Variants in ELMOD1 observed in about 807,000 individuals in gnomAD.
ELMOD1 encodes ELMO domain-containing protein 1.
In ELMOD1, 21 loss-of-function variants were observed where a neutral mutation model predicts 46.7. The observed-to-expected ratio is 0.45, with a 90% CI of 0.32 to 0.65. The LOEUF (loss-of-function observed/expected upper bound fraction) is 0.65, where lower values mean the gene tolerates loss of function less well. Among genes scored for constraint, ELMOD1 ranks in the 30% least tolerant of loss-of-function variants. The pLI is 0.04. For synonymous variants in ELMOD1, 122 were observed against 138.2 expected, an observed-to-expected ratio of 0.88 and a Z score of 0.82; for missense variants, 348 against 407.8, an observed-to-expected ratio of 0.85 and a Z score of 1.26.
intron 1 of ELMOD1, among the ~76,000 whole-genome samples, chr11:107,595,114 T>C (rs934062907): frequency 6.6e-6 from 1 of 151,716 alleles, no homozygotes; most frequent in Non-Finnish European, 1.5e-5. Context: ...CAACTGATAA[T>C]ACAATGTCGT....
intron 1 of ELMOD1, among the ~76,000 whole-genome samples, chr11:107,597,479 T>G (rs1415643697): frequency 1.3e-5 from 2 of 152,200 alleles, no homozygotes; most frequent in Admixed American, 1.3e-4. Flanking sequence ...TATAACATAC[T>G]GTACTGAAAG....
chr11:107,597,223 T>G (rs1416133634), intron 1 of ELMOD1, among the ~76,000 whole-genome samples: 1 of 152,198 alleles, frequency 6.6e-6, no homozygotes, highest in Non-Finnish European at 1.5e-5. Flanking sequence ...TTGAAATCTC[T>G]TAGCCCAGAA....
At chr11:107,631,397 A>AACC (rs1866134739) in intron 4 of ELMOD1, among the ~76,000 whole-genome samples, 183 bp from the exon 5 acceptor site, 1 of 133,786 alleles carries the variant, frequency 7.5e-6, no homozygotes, top group African/African-American at 2.9e-5. Context: ...AAATTGCACT[A>AACC]CCCCCCCCCC....
chr11:107,631,533 G>T (rs1324100723), intron 4 of ELMOD1, 47 bp from the exon 5 acceptor site: 2 of 1,227,602 alleles, frequency 1.6e-6, no homozygotes, highest in Non-Finnish European at 2.3e-6. Context: ...TACTGATTAA[G>T]CCTCTGGTGT....
chr11:107,595,244 A>C (rs1173224776), intron 1 of ELMOD1, among the ~76,000 whole-genome samples: 1 of 151,998 alleles, frequency 6.6e-6, no homozygotes, highest in African/African-American at 2.4e-5. Context: ...TTTTATAATA[A>C]GGTCTTAAAA....
At chr11:107,599,776 A>C (rs1865564316) in intron 1 of ELMOD1, among the ~76,000 whole-genome samples, 1 of 151,420 alleles carries the variant, frequency 6.6e-6, no homozygotes. Flanking sequence ...AAAAAAAAAA[A>C]AAACTGTATC....
rs114341316 is a variant in ELMOD1, at chr11:107,635,007, G to A, written c.291-629G>A. ...ATGTAATAGAACATCTTGTAAAGTT[G>A]TAACTACCCTCTTAGCACTGTCTCC... is the stretch of plus-strand genomic sequence containing the variant. On this transcript the variant is annotated intron_variant, in intron 5 of 11. Coordinates refer to ENST00000265840, the MANE Select transcript of ELMOD1 (RefSeq NM_018712.4). 2.3e-3 allele frequency among the ~76,000 whole-genome samples: 354 copies of A among 152,324 alleles called. 2 individuals are homozygous for A. The highest frequency in any genetic ancestry group is 8.1e-3 in the African/African-American group (338 of 41,574).
At chr11:107,654,247 A>G in intron 10 of ELMOD1, 25 bp downstream of exon 10, 1 of 1,576,562 alleles carries the variant, frequency 6.3e-7, no homozygotes, top group Non-Finnish European at 8.6e-7. Flanking sequence ...TCACATGGAA[A>G]GATGGTCCGT....
intron 1 of ELMOD1, among the ~76,000 whole-genome samples, chr11:107,602,957 C>T (rs1218669611): frequency 2.0e-5 from 3 of 152,174 alleles, no homozygotes; most frequent in Non-Finnish European, 1.5e-5. Flanking sequence ...TGAGAGATAA[C>T]TCCTCTAATA....
intron 1 of ELMOD1, among the ~76,000 whole-genome samples, chr11:107,599,760 G>GAAAAA (rs1389152842): frequency 5.3e-5 from 6 of 113,134 alleles, no homozygotes; most frequent in African/African-American, 1.0e-4. Context: ...AAGAAAAAAA[G>GAAAAA]AAAAGAAAAA....
intron 11 of ELMOD1, among the ~76,000 whole-genome samples, chr11:107,659,137 G>C (rs1310303615): frequency 6.6e-6 from 1 of 152,172 alleles, no homozygotes; most frequent in African/African-American, 2.4e-5. Flanking sequence ...CATAGGGTTT[G>C]CCGGGTGGTG....
At chr11:107,655,086 C>A (rs1160894610) in intron 10 of ELMOD1, among the ~76,000 whole-genome samples, 1 of 152,060 alleles carries the variant, frequency 6.6e-6, no homozygotes, top group Non-Finnish European at 1.5e-5. Context: ...CAAAAAATCA[C>A]CCAATCTTAT....
intron 11 of ELMOD1, among the ~76,000 whole-genome samples, chr11:107,660,069 C>A (rs1866707626): frequency 6.6e-6 from 1 of 152,070 alleles, no homozygotes; most frequent in Admixed American, 6.5e-5. Flanking sequence ...GGGGCTCAGG[C>A]CTCTCTAAGG....
chr11:107,611,042 G>T (rs940415215), intron 1 of ELMOD1, among the ~76,000 whole-genome samples: 1 of 148,558 alleles, frequency 6.7e-6, no homozygotes, highest in Non-Finnish European at 1.5e-5. Flanking sequence ...CATCATTCTG[G>T]ATATCAGCCT....
At chr11:107,600,652 T>TG (rs1296834184) in intron 1 of ELMOD1, 3 of 152,932 alleles carry the variant, frequency 2.0e-5, no homozygotes, top group African/African-American at 4.8e-5. Flanking sequence ...TGTTAGCTAA[T>TG]GAGCATACAT....
chr11:107,605,066 G>T (rs1261735), intron 1 of ELMOD1, among the ~76,000 whole-genome samples: 76 of 151,896 alleles, frequency 5.0e-4, no homozygotes, highest in African/African-American at 1.8e-3. Flanking sequence ...GTTTTATTGT[G>T]AAATTTAAAC....
intron 11 of ELMOD1, among the ~76,000 whole-genome samples, chr11:107,661,806 C>A (rs1270816509): frequency 6.6e-6 from 1 of 152,190 alleles, no homozygotes; most frequent in Non-Finnish European, 1.5e-5. Flanking sequence ...CATTTTTTAA[C>A]AAGTACCGCA....
At chr11:107,654,097 C>T (rs1866577037) in intron 9 of ELMOD1, 75 bp from the exon 10 acceptor site, 2 of 1,230,768 alleles carry the variant, frequency 1.6e-6, no homozygotes, top group Non-Finnish European at 2.3e-6. Context: ...ACAGTTTTAA[C>T]ATAAGCATTA....
intron 7 of ELMOD1, among the ~76,000 whole-genome samples, chr11:107,647,827 A>T (rs1230299017): frequency 2.6e-5 from 4 of 152,352 alleles, no homozygotes; most frequent in Non-Finnish European, 2.9e-5. Flanking sequence ...AAATATATTT[A>T]AAAAATTGTT....
Sources: gnomAD v4.1 joint callset for allele counts (sites outside exome capture counted in the v4.1 genomes callset) on GRCh38, gnomAD v4.1.1 for gene constraint, MANE v1.5 for transcripts, NCBI Gene and HGNC (gene_info 2026-07-23, HGNC 2026-07-21) for gene names.